FYB1: variants seen among roughly 807,000 people sequenced by gnomAD.
FYB1 encodes the protein FYN-binding protein 1.
FYB1 carries 41 observed loss-of-function variants against 94.1 expected under a neutral mutation model. That is an observed-to-expected ratio of 0.44 (90% CI 0.34 to 0.57). The LOEUF is 0.57. FYB1 is among the 20% of genes least tolerant of loss of function. The pLI is 0.02. For synonymous variants in FYB1, 367 were observed against 353.2 expected (o/e 1.04, Z -0.44); for missense variants, 1,050 against 976.8 (o/e 1.07, Z -1.00).
At chr5:39,145,840 G>A (rs1268779927) in intron 3 of FYB1, among the ~76,000 whole-genome samples, 2 of 151,176 alleles carry the variant, frequency 1.3e-5, no homozygotes, top group African/African-American at 2.4e-5. Flanking sequence ...CTCAGCCCAC[G>A]CTTCCCTTCT....
intron 17 of FYB1, among the ~76,000 whole-genome samples, chr5:39,108,703 CAT>C (rs1042795338): frequency 5.7e-4 from 87 of 152,140 alleles, no homozygotes; most frequent in African/African-American, 1.6e-3. Context: ...ATCATTTTCA[CAT>C]GTTTTCTAAT....
chr5:39,193,010 C>T (rs1231971129), intron 2 of FYB1, among the ~76,000 whole-genome samples: 1 of 150,562 alleles, frequency 6.6e-6, no homozygotes, highest in Non-Finnish European at 1.5e-5. Flanking sequence ...ACAATGATGG[C>T]CCTCAAGGCA....
At chr5:39,138,506 G>T in intron 6 of FYB1, 151 bp downstream of exon 6, 1 of 498,954 alleles carries the variant, frequency 2.0e-6, no homozygotes, top group Non-Finnish European at 3.6e-6. Context: ...ATAATTTTGG[G>T]TCCTTTAAAT....
chr5:39,217,900 TA>T (rs914791614), intron 1 of FYB1, among the ~76,000 whole-genome samples: 2 of 152,236 alleles, frequency 1.3e-5, no homozygotes, highest in African/African-American at 4.8e-5. Flanking sequence ...ATGTGGTTTT[TA>T]AAGCACATTG....
intron 2 of FYB1, among the ~76,000 whole-genome samples, chr5:39,164,520 G>A (rs1744541364): frequency 6.6e-6 from 1 of 152,074 alleles, no homozygotes; most frequent in Non-Finnish European, 1.5e-5. Context: ...CACTTCCCAG[G>A]TTCAAGCGAT....
At chr5:39,120,566 A>C (rs1240214426) in intron 14 of FYB1, among the ~76,000 whole-genome samples, 1 of 152,174 alleles carries the variant, frequency 6.6e-6, no homozygotes, top group Admixed American at 6.6e-5. Flanking sequence ...AGGTCCAGGT[A>C]GTGCTAGACA....
At chr5:39,238,898 C>T (rs752879530) in intron 1 of FYB1, among the ~76,000 whole-genome samples, 28 of 152,092 alleles carry the variant, frequency 1.8e-4, no homozygotes, top group Non-Finnish European at 3.2e-4. Context: ...TGAGAACATG[C>T]TGGGTATTTC....
intron 18 of FYB1, among the ~76,000 whole-genome samples, chr5:39,107,931 T>C (rs1177458896): frequency 6.6e-6 from 1 of 152,102 alleles, no homozygotes; most frequent in Non-Finnish European, 1.5e-5. Context: ...GCCAAAAATG[T>C]TTATTTGCTT....
At chr5:39,163,369 T>C (rs1744443062) in intron 2 of FYB1, among the ~76,000 whole-genome samples, 1 of 152,180 alleles carries the variant, frequency 6.6e-6, no homozygotes, top group Admixed American at 6.5e-5. Context: ...TACTGAAACA[T>C]CAATGTTTAC....
In FYB1 at chr5:39,118,974, CT is replaced by C; in HGVS notation, c.2300del (p.Lys767SerfsTer9). ...TTACCTGTAGATCTCTGGTTCCCCA[CT>C]TTTTAGAAGTTATGGAAGTTGTAAC... ...TKVTTSITSK[K>X]WGTRDLQVKP... On this transcript the variant is annotated frameshift_variant, in exon 16 of 19. Coordinates refer to ENST00000512982, the MANE Select transcript of FYB1 (RefSeq NM_001465.6). LOFTEE classifies it high-confidence loss of function. 2 of 1,565,088 alleles carry C rather than the reference CT, an allele frequency of 1.3e-6. No individual in the cohort carries two copies. Among genetic ancestry groups the C allele is most frequent in the South Asian group, 1.2e-5 (1 of 85,014 alleles).
chr5:39,165,141 A>G (rs7709952), intron 2 of FYB1, among the ~76,000 whole-genome samples: 149,067 of 152,306 alleles, frequency 0.98, 73,012 homozygotes, highest in Non-Finnish European at 1. Context: ...AAAAATAATC[A>G]TAAAATTCAT....
intron 2 of FYB1, among the ~76,000 whole-genome samples, chr5:39,194,487 C>A (rs1202357286): frequency 6.6e-6 from 1 of 151,866 alleles, no homozygotes; most frequent in Non-Finnish European, 1.5e-5. Context: ...TGTGCCACTG[C>A]AGTCCAGCCT....
intron 15 of FYB1, among the ~76,000 whole-genome samples, chr5:39,119,276 G>A (rs1213234888): frequency 6.6e-6 from 1 of 151,876 alleles, no homozygotes; most frequent in Non-Finnish European, 1.5e-5. Flanking sequence ...CTAAATTTAG[G>A]TGATTATCAC....
At chr5:39,194,784 G>A (rs1219471731) in intron 2 of FYB1, among the ~76,000 whole-genome samples, 1 of 152,130 alleles carries the variant, frequency 6.6e-6, no homozygotes, top group Admixed American at 6.5e-5. Context: ...TCGATTATGG[G>A]GTTAAACCCA....
chr5:39,265,209 T>C (rs1260992096), intron 1 of FYB1, among the ~76,000 whole-genome samples: 2 of 151,136 alleles, frequency 1.3e-5, no homozygotes, highest in African/African-American at 4.9e-5. Flanking sequence ...TGGCCAGGTG[T>C]GGTGGCTCAC....
At chr5:39,232,749 G>A (rs1213967587) in intron 1 of FYB1, among the ~76,000 whole-genome samples, 1 of 139,832 alleles carries the variant, frequency 7.2e-6, no homozygotes, top group African/African-American at 2.7e-5. Context: ...CCCAGAGTGT[G>A]ATATTCCCCT....
rs535782679 is a variant in FYB1 at position 39,229,084 on chromosome 5, A to C, written c.-27-26097T>G. 2.0e-5 allele frequency among the ~76,000 whole-genome samples: 3 copies of C among 152,254 alleles called. No individual in the cohort carries two copies. In the South Asian group the frequency reaches 6.2e-4, roughly 32 times the overall value. On this transcript the variant is annotated intron_variant, in intron 1 of 1. Transcript: ENST00000510188. ...GATCCTAGGACTGGGGTCTGTCCTG[A>C]TTCAATGTCCTCCTGCCTTCTTGGC...
chr5:39,203,499 T>C (rs1307495638), intron 1 of FYB1, among the ~76,000 whole-genome samples: 1 of 152,224 alleles, frequency 6.6e-6, no homozygotes, highest in African/African-American at 2.4e-5. Context: ...AAGAGTATTT[T>C]TTTTTGCTTC....
intron 2 of FYB1, among the ~76,000 whole-genome samples, chr5:39,157,654 T>C (rs1743873270): frequency 6.6e-6 from 1 of 152,174 alleles, no homozygotes; most frequent in African/African-American, 2.4e-5. Context: ...AAATTGGGGA[T>C]GTGCAATTTG....
Sources: allele counts gnomAD v4.1 joint callset (sites outside exome capture counted in the v4.1 genomes callset), GRCh38; gene constraint gnomAD v4.1.1; transcripts MANE v1.5; gene names NCBI Gene and HGNC (gene_info 2026-07-23, HGNC 2026-07-21).